MRPS25: variants seen among roughly 807,000 people sequenced by gnomAD.
The protein encoded by MRPS25 is small ribosomal subunit protein mS25.
In MRPS25, 15 loss-of-function variants were observed where a neutral mutation model predicts 17.3. The ratio of observed to expected loss-of-function variants is 0.87; its 90% CI spans 0.58 to 1.34. The LOEUF (loss-of-function observed/expected upper bound fraction) is 1.34, where lower values mean the gene tolerates loss of function less well. Ranked by LOEUF, MRPS25 falls within the 40% of genes most tolerant of loss-of-function variation. The pLI is 0.00. For synonymous variants in MRPS25, 94 were observed against 83.3 expected (o/e 1.13, Z -0.70); for missense variants, 225 against 218.6 (o/e 1.03, Z -0.19).
chr3:15,055,753 T>G (rs921791746), intron 2 of MRPS25, among the ~76,000 whole-genome samples: 8 of 152,118 alleles, frequency 5.3e-5, no homozygotes, highest in African/African-American at 1.7e-4. Flanking sequence ...AATGATAAAC[T>G]GAATTAATCA....
chr3:15,053,572 T>A, intron 2 of MRPS25, 105 bp from the exon 3 acceptor site: 1 of 1,206,562 alleles, frequency 8.3e-7, no homozygotes, highest in Non-Finnish European at 1.2e-6. Flanking sequence ...AACATTTTAA[T>A]AATAAAATAG....
rs1333808417 is a variant in MRPS25 at position 15,050,190 on chromosome 3, TTATC to T, written c.*2247_*2250del. The T allele has an allele frequency of 3.3e-6, 4 of 1,204,348 alleles. No individual in the cohort carries two copies. The highest frequency in any genetic ancestry group is 4.1e-6 in the Non-Finnish European group (4 of 969,558). The allele number at this position is 1,204,348 out of a possible 1,614,324, so 74.6% of individuals were successfully genotyped here. On this transcript the variant is annotated 3_prime_UTR_variant, in exon 4 of 4. Coordinates refer to ENST00000253686, the MANE Select transcript of MRPS25 (RefSeq NM_022497.5). ...AGAAAATAATGTTTATTTCCACAAA[TTATC>T]TGCTGCCTGTGAAGCTGGCCACACA...
chr3:15,054,465 C>G (rs962344907), intron 2 of MRPS25, among the ~76,000 whole-genome samples: 5 of 152,064 alleles, frequency 3.3e-5, no homozygotes, highest in African/African-American at 1.2e-4. Flanking sequence ...CAGCTTGAAC[C>G]CTGGAGGCAG....
Position 15,050,229 on chromosome 3 carries a change from T to C in MRPS25, c.*2212A>G, listed in dbSNP as rs1036012052. 4.3e-6 allele frequency: 5 copies of C among 1,160,972 alleles called. No individual in the cohort carries two copies. The African/African-American group carries it at 5.0e-5, about 12-fold the overall frequency. 71.9% of individuals were successfully genotyped at this position (1,160,972 alleles called of 1,614,324 possible). On this transcript the variant is annotated 3_prime_UTR_variant, in exon 4 of 4. Transcript: ENST00000253686. ...TGAAGCTGGCCACACAGGCAGTAAC[T>C]GCACCACAGGACTGCTGCTGTCTCC...
At chr3:15,055,916 T>C (rs1302222521) in intron 2 of MRPS25, among the ~76,000 whole-genome samples, 1 of 145,140 alleles carries the variant, frequency 6.9e-6, no homozygotes, top group South Asian at 2.2e-4. Flanking sequence ...TTTTTTTTTT[T>C]AATGGAAAAG....
chr3:15,061,788 G>A (rs1448387762), intron 1 of MRPS25, among the ~76,000 whole-genome samples: 5 of 146,918 alleles, frequency 3.4e-5, no homozygotes, highest in African/African-American at 1.0e-4. Context: ...TTGCCCCGCC[G>A]CCCCATCTGG....
rs572308368 is a variant in MRPS25 at position 15,057,052 on chromosome 3, T to C, written c.241+2317A>G. On this transcript the variant is annotated intron_variant, in intron 2 of 3. Transcript: ENST00000253686. ...ACACACGTTTACTGTAGCTTTCTTC[T>C]TGGCAGCCAGGAGGCCCACCACTCA... 2.2e-4 allele frequency among the ~76,000 whole-genome samples: 33 copies of C among 152,320 alleles called. 4 individuals carry two copies. The highest frequency in any genetic ancestry group is 2.1e-3 in the South Asian group (10 of 4,830).
intron 1 of MRPS25, among the ~76,000 whole-genome samples, chr3:15,059,830 G>C (rs962923405): frequency 1.3e-5 from 2 of 152,138 alleles, no homozygotes; most frequent in African/African-American, 4.8e-5. Context: ...ATACTTACAG[G>C]TGTGCACCGT....
intron 1 of MRPS25, among the ~76,000 whole-genome samples, 172 bp downstream of exon 1, chr3:15,064,889 C>T (rs908842365): frequency 2.0e-5 from 3 of 152,188 alleles, no homozygotes; most frequent in Non-Finnish European, 4.4e-5. Context: ...CCGGCGGGGG[C>T]CCCGCCGTCC....
chr3:15,061,196 C>G (rs2042748721), intron 1 of MRPS25, among the ~76,000 whole-genome samples: 1 of 152,136 alleles, frequency 6.6e-6, no homozygotes, highest in African/African-American at 2.4e-5. Flanking sequence ...CTCTCTCTCC[C>G]TCTGCCTCTC....
rs2042540119 is a variant in MRPS25, at chr3:15,048,630, T to A, written c.*3811A>T. 2 of 152,626 alleles carry A rather than the reference T, an allele frequency of 1.3e-5. No homozygotes were observed. Among genetic ancestry groups the A allele is most frequent in the Non-Finnish European group, 2.9e-5 (2 of 68,034 alleles). 9.5% of individuals were successfully genotyped at this position (152,626 alleles called of 1,614,324 possible). A position where few individuals can be genotyped will look rare whatever the true frequency, so the allele number is the denominator to read the frequency against. ...ATGGCTTTTCTTTAGGAAAGTATAA[T>A]CAATTATTTTAATGACCATAGCATT... On this transcript the variant is annotated 3_prime_UTR_variant, in exon 4 of 4. Coordinates refer to ENST00000253686, the MANE Select transcript of MRPS25 (RefSeq NM_022497.5).
chr3:15,045,118 T>G (rs530458916), downstream of MRPS25: 1 of 152,322 alleles, frequency 6.6e-6, no homozygotes, highest in East Asian at 1.9e-4. Context: ...GTTTGTTTCA[T>G]TTCTGCTTGT....
At chr3:15,060,784 G>A (rs1399665883) in intron 1 of MRPS25, among the ~76,000 whole-genome samples, 1 of 152,144 alleles carries the variant, frequency 6.6e-6, no homozygotes, top group Non-Finnish European at 1.5e-5. Context: ...AGGAGGCTGA[G>A]GCAGGAGAAT....
At position 15,050,694 on chromosome 3, in the gene MRPS25, C is replaced by G; in HGVS notation, c.*1747G>C. 1.0e-6 allele frequency: 1 copy of G among 985,414 alleles called. No individual in the cohort carries two copies. The allele number at this position is 985,414 out of a possible 1,614,324, so 61.0% of individuals were successfully genotyped here. A position where few individuals can be genotyped will look rare whatever the true frequency, so the allele number is the denominator to read the frequency against. Reference sequence around the variant, plus strand: ...AGCAGAGAGACAAGATGCTAGATTTCAATTAAACACTCCCTTTGTAAGTCT... The same window carrying G: ...AGCAGAGAGACAAGATGCTAGATTTGAATTAAACACTCCCTTTGTAAGTCT... On this transcript the variant is annotated 3_prime_UTR_variant, in exon 4 of 4. Coordinates refer to ENST00000253686, the MANE Select transcript of MRPS25 (RefSeq NM_022497.5).
chr3:15,049,029 A>C lies in MRPS25; in HGVS notation c.*3412T>G, dbSNP rs1040245002. On this transcript the variant is annotated 3_prime_UTR_variant, in exon 4 of 4. Coordinates refer to ENST00000253686, the MANE Select transcript of MRPS25 (RefSeq NM_022497.5). ...TTATACAGCTTTCTTCTCCCTGTGA[A>C]ATCACTTTGTTTATGTGATGGCATT... is the stretch of plus-strand genomic sequence containing the variant. 3.3e-5 allele frequency: 5 copies of C among 152,668 alleles called. No individual in the cohort carries two copies. Among genetic ancestry groups the C allele is most frequent in the Non-Finnish European group, 7.3e-5 (5 of 68,040 alleles). The allele number at this position is 152,668 out of a possible 1,614,324, so 9.5% of individuals were successfully genotyped here. A position where few individuals can be genotyped will look rare whatever the true frequency, so the allele number is the denominator to read the frequency against.
chr3:15,052,703 C>T, intron 3 of MRPS25, 70 bp from the exon 4 acceptor site: 1 of 1,492,466 alleles, frequency 6.7e-7, no homozygotes, highest in Middle Eastern at 1.8e-4. Context: ...AGTTTCTCAG[C>T]CGAGACAACC....
chr3:15,060,641 G>A (rs1424060683), intron 1 of MRPS25, among the ~76,000 whole-genome samples: 2 of 152,154 alleles, frequency 1.3e-5, no homozygotes, highest in African/African-American at 4.8e-5. Flanking sequence ...CCAGCACTTT[G>A]GGAGGCCGAG....
At position 15,051,109 on chromosome 3, in the gene MRPS25, A is replaced by C. The variant is rs1396849913; in HGVS notation, c.*1332T>G. On this transcript the variant is annotated 3_prime_UTR_variant, in exon 4 of 4. Transcript: ENST00000253686. ...TTTAACCACTGCCTTCCTGTCTCAG[A>C]TAAAGTCAGGTCTCCTTGGCTGAGT... The C allele has an allele frequency of 5.1e-6, 5 of 985,364 alleles. No homozygotes were observed. The highest frequency in any genetic ancestry group is 4.8e-6 in the Non-Finnish European group (4 of 829,902). The allele number at this position is 985,364 out of a possible 1,614,324, so 61.0% of individuals were successfully genotyped here.
chr3:15,062,631 G>A, intron 1 of MRPS25, among the ~76,000 whole-genome samples: 1 of 152,182 alleles, frequency 6.6e-6, no homozygotes, highest in East Asian at 1.9e-4. Context: ...TAGAAAGGGG[G>A]GAAAGGTGGG....
Sources: allele counts gnomAD v4.1 joint callset (sites outside exome capture counted in the v4.1 genomes callset), GRCh38; gene constraint gnomAD v4.1.1; transcripts MANE v1.5; gene names NCBI Gene and HGNC (gene_info 2026-07-23, HGNC 2026-07-21).